Variants in DLGAP2 observed in about 807,000 individuals in gnomAD.
DLGAP2 encodes DLG associated protein 2.
In DLGAP2, 26 loss-of-function variants were observed where a neutral mutation model predicts 100.3. The ratio of observed to expected loss-of-function variants is 0.26; its 90% confidence interval spans 0.19 to 0.36. The LOEUF (loss-of-function observed/expected upper bound fraction) is 0.36. Ranked by LOEUF, DLGAP2 falls within the 10% of genes least tolerant of loss-of-function variation. DLGAP2 has a pLI of 1.00. For synonymous variants in DLGAP2, 886 were observed against 630.1 expected, an observed-to-expected ratio of 1.41 and a Z score of -6.08; for missense variants, 1,858 against 1,453.2, an observed-to-expected ratio of 1.28 and a Z score of -4.53.
At chr8:1,364,492 A>G (rs1194164948) in intron 3 of DLGAP2, among the ~76,000 whole-genome samples, 2 of 98,576 alleles carry the variant, frequency 2.0e-5, no homozygotes, top group African/African-American at 4.5e-5. Flanking sequence ...GGCGCCGGTC[A>G]TGGGAAGGGC....
rs116912607 is a variant in DLGAP2 at position 1,197,085 on chromosome 8, C to T, written c.74-61766C>T. Among the ~76,000 whole-genome samples the T allele has an allele frequency of 1.3e-3, 204 of 152,286 alleles. 5 individuals are homozygous for T. The East Asian group carries it at 0.031, about 23-fold the overall frequency. The stretch of plus-strand genomic sequence containing the variant: ...AAGAAGGAACAAATTCTCCTTTCTC[C>T]ACCTTTTTGTTCTTCCTGGGCCCTC... On this transcript the variant is annotated intron_variant, in intron 2 of 14. Coordinates refer to ENST00000637795, the MANE Select transcript of DLGAP2 (RefSeq NM_001346810.2).
At chr8:1,476,286 G>A (rs764744784) in intron 3 of DLGAP2, among the ~76,000 whole-genome samples, 9 of 152,082 alleles carry the variant, frequency 5.9e-5, no homozygotes, top group Non-Finnish European at 1.2e-4. Flanking sequence ...TAATCCCTCT[G>A]AAGTCTTATT....
chr8:1,341,000 C>A (rs754616226), intron 3 of DLGAP2, among the ~76,000 whole-genome samples: 17 of 152,172 alleles, frequency 1.1e-4, no homozygotes, highest in Non-Finnish European at 1.9e-4. Flanking sequence ...CCAAATACTG[C>A]ATGTTCTCAC....
chr8:1,574,273 C>G (rs1156235443), intron 6 of DLGAP2, among the ~76,000 whole-genome samples: 3 of 152,232 alleles, frequency 2.0e-5, no homozygotes, highest in African/African-American at 7.2e-5. Flanking sequence ...TAACGTGAGA[C>G]AGGAGAGCAA....
At chr8:1,498,577 G>A (rs189467317) in intron 3 of DLGAP2, among the ~76,000 whole-genome samples, 1 of 152,324 alleles carries the variant, frequency 6.6e-6, no homozygotes, top group Admixed American at 6.5e-5. Flanking sequence ...GCAGAAGAAA[G>A]CCAGAGTGCA....
chr8:1,223,980 T>G (rs1798366505), intron 2 of DLGAP2, among the ~76,000 whole-genome samples: 2 of 152,360 alleles, frequency 1.3e-5, no homozygotes, highest in Middle Eastern at 3.4e-3. Context: ...ACCTTATTAA[T>G]TTTGACTTCT....
intron 2 of DLGAP2, among the ~76,000 whole-genome samples, chr8:1,190,497 C>T (rs1250689030): frequency 1.3e-5 from 2 of 152,132 alleles, no homozygotes; most frequent in East Asian, 1.9e-4. Flanking sequence ...TTCCCGGCAG[C>T]ATCTCATGCA....
chr8:1,182,677 C>G (rs1797415187), intron 2 of DLGAP2, among the ~76,000 whole-genome samples: 1 of 152,158 alleles, frequency 6.6e-6, no homozygotes, highest in East Asian at 1.9e-4. Flanking sequence ...ATTGAGCTGC[C>G]GTAGGTCACT....
At chr8:794,927 G>A (rs1795993145) in intron 1 of DLGAP2, among the ~76,000 whole-genome samples, 1 of 152,192 alleles carries the variant, frequency 6.6e-6, no homozygotes. Context: ...GTTGGGATGA[G>A]CTGCCATTTG....
chr8:1,465,575 G>A (rs1156382626), intron 3 of DLGAP2, among the ~76,000 whole-genome samples: 1 of 152,190 alleles, frequency 6.6e-6, no homozygotes, highest in African/African-American at 2.4e-5. Flanking sequence ...GCCTCCCAGG[G>A]CACCACCCTC....
chr8:1,164,544 T>C (rs1000886014), intron 2 of DLGAP2, among the ~76,000 whole-genome samples: 1 of 152,026 alleles, frequency 6.6e-6, no homozygotes, highest in African/African-American at 2.4e-5. Context: ...TTCCCGGTGG[T>C]GCCACGGATG....
intron 1 of DLGAP2, among the ~76,000 whole-genome samples, chr8:902,935 G>T (rs1429460803): frequency 1.6e-5 from 1 of 61,536 alleles, no homozygotes; most frequent in Non-Finnish European, 3.0e-5. Context: ...GTGGAACGTG[G>T]GCAGGTGGGT....
intron 6 of DLGAP2, among the ~76,000 whole-genome samples, chr8:1,607,164 T>C (rs1358936118): frequency 6.6e-6 from 1 of 152,238 alleles, no homozygotes; most frequent in Middle Eastern, 3.2e-3. Flanking sequence ...ATATGTAACA[T>C]TATATTATTG....
chr8:1,174,859 A>G (rs1290875657), intron 2 of DLGAP2, among the ~76,000 whole-genome samples: 2 of 152,192 alleles, frequency 1.3e-5, no homozygotes, highest in African/African-American at 2.4e-5. Flanking sequence ...TATGTTTACA[A>G]AATCCTAAGT....
intron 1 of DLGAP2, among the ~76,000 whole-genome samples, chr8:860,214 G>A (rs371034545): frequency 5.3e-5 from 8 of 152,118 alleles, no homozygotes; most frequent in Non-Finnish European, 1.0e-4. Flanking sequence ...GGTGGCCTTC[G>A]TTATGTAAAT....
chr8:1,136,029 T>A (rs980130316), intron 2 of DLGAP2, among the ~76,000 whole-genome samples: 1 of 152,188 alleles, frequency 6.6e-6, no homozygotes, highest in African/African-American at 2.4e-5. Context: ...AAGAAGCTCA[T>A]TCTCTTCCTG....
chr8:1,407,226 C>T (rs1422828628), intron 3 of DLGAP2, among the ~76,000 whole-genome samples: 2 of 34,936 alleles, frequency 5.7e-5, no homozygotes, highest in Admixed American at 2.7e-4. Flanking sequence ...GCTTACTGAG[C>T]GCCACCTCCT....
intron 2 of DLGAP2, among the ~76,000 whole-genome samples, chr8:1,145,270 C>T (rs1489932213): frequency 1.3e-5 from 2 of 152,148 alleles, no homozygotes; most frequent in East Asian, 1.9e-4. Context: ...ACACAACTCC[C>T]ACCCACCCAC....
chr8:1,326,251 C>T (rs891863678), intron 3 of DLGAP2, among the ~76,000 whole-genome samples: 1 of 152,212 alleles, frequency 6.6e-6, no homozygotes, highest in Admixed American at 6.5e-5. Context: ...GGGCATTTAA[C>T]TTGTATGCAG....
Sources: gnomAD v4.1 joint callset for allele counts (sites outside exome capture counted in the v4.1 genomes callset) on GRCh38, gnomAD v4.1.1 for gene constraint, MANE v1.5 for transcripts, NCBI Gene and HGNC (gene_info 2026-07-23, HGNC 2026-07-21) for gene names.